Variants in KLHL29 observed in about 807,000 individuals in gnomAD.
KLHL29 encodes kelch like family member 29.
A neutral mutation model predicts 80.4 loss-of-function variants in KLHL29; 21 were observed. That is an observed-to-expected ratio of 0.26 (90% CI 0.19 to 0.38). The LOEUF is 0.38. Among genes scored for constraint, KLHL29 ranks in the 10% least tolerant of loss-of-function variants. KLHL29 has a pLI of 1.00. For missense variants in KLHL29, 867 were observed against 1,223.9 expected, an observed-to-expected ratio of 0.71 and a Z score of 4.35; for synonymous variants, 511 against 526.8, an observed-to-expected ratio of 0.97 and a Z score of 0.41.
At chr2:23,541,772 C>CAAA (rs545375731) in intron 2 of KLHL29, among the ~76,000 whole-genome samples, 1 of 137,608 alleles carries the variant, frequency 7.3e-6, no homozygotes, top group Non-Finnish European at 1.6e-5. Flanking sequence ...ACCCAAAAAA[C>CAAA]AAAAAAAAAA....
intron 5 of KLHL29, among the ~76,000 whole-genome samples, chr2:23,655,205 G>A (rs114533658): frequency 0.033 from 5,077 of 152,266 alleles, 93 homozygotes; most frequent in South Asian, 0.066. Flanking sequence ...CTGGAGCTTG[G>A]GAGTCAGGCG....
chr2:23,674,517 A>G (rs865906773), intron 5 of KLHL29, among the ~76,000 whole-genome samples: 6 of 152,160 alleles, frequency 3.9e-5, no homozygotes, highest in African/African-American at 9.7e-5. Flanking sequence ...TCTGGCCCCA[A>G]CTATCTATCC....
At chr2:23,388,739 A>G (rs984340926) in intron 1 of KLHL29, among the ~76,000 whole-genome samples, 6 of 152,178 alleles carry the variant, frequency 3.9e-5, no homozygotes, top group Non-Finnish European at 8.8e-5. Context: ...ATTCCCAGCT[A>G]CATACAGATA....
At chr2:23,398,308 T>C (rs1666503781) in intron 1 of KLHL29, among the ~76,000 whole-genome samples, 1 of 152,212 alleles carries the variant, frequency 6.6e-6, no homozygotes, top group African/African-American at 2.4e-5. Context: ...TGACACACGC[T>C]ATAGCGTGGA....
chr2:23,639,347 G>A, intron 4 of KLHL29, 67 bp downstream of exon 4: 1 of 1,486,750 alleles, frequency 6.7e-7, no homozygotes, highest in Non-Finnish European at 9.0e-7. Context: ...GAGGCTTCCT[G>A]GGGACCCCAA....
intron 2 of KLHL29, among the ~76,000 whole-genome samples, chr2:23,496,496 C>T (rs71437490): frequency 6.6e-6 from 1 of 152,178 alleles, no homozygotes. Flanking sequence ...CTCCCCCATC[C>T]TGCTCCCACC....
chr2:23,542,871 T>C (rs1666874656), intron 2 of KLHL29, among the ~76,000 whole-genome samples: 1 of 152,222 alleles, frequency 6.6e-6, no homozygotes, highest in African/African-American at 2.4e-5. Flanking sequence ...TCCTGCTGCA[T>C]TGGATCCAGG....
chr2:23,430,017 G>C (rs1006281677), intron 1 of KLHL29, among the ~76,000 whole-genome samples: 2 of 152,212 alleles, frequency 1.3e-5, no homozygotes, highest in African/African-American at 4.8e-5. Context: ...AGAAAACCGA[G>C]TAGAGGTTGA....
chr2:23,643,418 G>A (rs1383784717), intron 5 of KLHL29: 2 of 176,716 alleles, frequency 1.1e-5, no homozygotes, highest in East Asian at 1.4e-4. Context: ...GGATCCAGGG[G>A]TGGCTTTGTG....
At chr2:23,584,653 G>A (rs1055504699) in intron 3 of KLHL29, among the ~76,000 whole-genome samples, 3 of 152,244 alleles carry the variant, frequency 2.0e-5, no homozygotes, top group Non-Finnish European at 4.4e-5. Flanking sequence ...GCGGAGGGGG[G>A]CGGTGCCCAT....
At chr2:23,519,895 G>A (rs1666043118) in intron 2 of KLHL29, among the ~76,000 whole-genome samples, 1 of 96,552 alleles carries the variant, frequency 1.0e-5, no homozygotes, top group African/African-American at 2.9e-5. Context: ...TTCCAAAGGA[G>A]GCAATCAGAT....
intron 2 of KLHL29, among the ~76,000 whole-genome samples, chr2:23,548,017 C>A (rs946428730): frequency 6.6e-6 from 1 of 152,140 alleles, no homozygotes; most frequent in Non-Finnish European, 1.5e-5. Flanking sequence ...CTCACACACC[C>A]TGTCTTGGGA....
intron 2 of KLHL29, among the ~76,000 whole-genome samples, chr2:23,485,320 T>C (rs932402322): frequency 6.6e-6 from 1 of 152,234 alleles, no homozygotes; most frequent in Non-Finnish European, 1.5e-5. Context: ...AAGAAGGCTC[T>C]CAAATGTTTC....
chr2:23,546,929 A>G (rs1666993413), intron 2 of KLHL29, among the ~76,000 whole-genome samples: 1 of 152,356 alleles, frequency 6.6e-6, no homozygotes, highest in South Asian at 2.1e-4. Context: ...TTGTGAGTCC[A>G]GAGTGGACAC....
intron 3 of KLHL29, among the ~76,000 whole-genome samples, chr2:23,567,420 C>T (rs1193215811): frequency 6.6e-6 from 1 of 152,186 alleles, no homozygotes; most frequent in African/African-American, 2.4e-5. Context: ...GTGTCGGAGG[C>T]CCGAGAAGAA....
chr2:23,473,914 G>A (rs1664562608), intron 1 of KLHL29, among the ~76,000 whole-genome samples: 1 of 151,958 alleles, frequency 6.6e-6, no homozygotes, highest in African/African-American at 2.4e-5. Flanking sequence ...CCTCTGCCTA[G>A]AACACTTAGG....
chr2:23,515,799 C>A (rs1194809395), intron 2 of KLHL29, among the ~76,000 whole-genome samples: 1 of 152,098 alleles, frequency 6.6e-6, no homozygotes, highest in Non-Finnish European at 1.5e-5. Context: ...CCAAAGAAAC[C>A]ACAAGGACTA....
At chr2:23,478,233 T>C (rs1354856831) in intron 2 of KLHL29, among the ~76,000 whole-genome samples, 2 of 152,170 alleles carry the variant, frequency 1.3e-5, no homozygotes, top group Non-Finnish European at 1.5e-5. Flanking sequence ...AACAAATCAC[T>C]ACGTGCAGCT....
At position 23,696,582 on chromosome 2, in the gene KLHL29, T is replaced by C. The variant is rs1368318660; in HGVS notation, c.2105+69T>C. 7.9e-7 allele frequency: 1 copy of C among 1,265,142 alleles called. No homozygotes were observed. The allele number at this position is 1,265,142 out of a possible 1,614,324, so 78.4% of individuals were successfully genotyped here. A position where few individuals can be genotyped will look rare whatever the true frequency, so the allele number is the denominator to read the frequency against. On this transcript the variant is annotated intron_variant, in intron 11 of 13. Transcript: ENST00000486442. The surrounding 1 kb of genome is among the most constrained non-coding windows in gnomAD (Gnocchi z 5.5). Reference sequence around the variant, plus strand: ...CAAGAACTGAAATCACGTCACTCACTGTACCTCCCAACACCCACTCAGTGG... The same window carrying C: ...CAAGAACTGAAATCACGTCACTCACCGTACCTCCCAACACCCACTCAGTGG...
Sources: gnomAD v4.1 joint callset for allele counts (sites outside exome capture counted in the v4.1 genomes callset) on GRCh38, gnomAD v4.1.1 for gene constraint, Gnocchi (gnomAD v3.1) non-coding constraint, MANE v1.5 for transcripts, NCBI Gene and HGNC (gene_info 2026-07-23, HGNC 2026-07-21) for gene names.